Variants in MAGI1 observed in about 807,000 individuals in gnomAD.
MAGI1 encodes membrane associated guanylate kinase, WW and PDZ domain containing 1, also known as membrane-associated guanylate kinase, WW and PDZ domain-containing protein 1.
Under a neutral mutation model 139.9 loss-of-function variants are expected in MAGI1, and 58 were observed. The observed-to-expected ratio is 0.41, with a 90% confidence interval of 0.34 to 0.52. MAGI1 has a LOEUF of 0.52. Among genes scored for constraint, MAGI1 ranks in the 20% least tolerant of loss-of-function variants. MAGI1 has a pLI of 0.12. For synonymous variants in MAGI1, 812 were observed against 737.9 expected (o/e 1.10, Z -1.63); for missense variants, 1,874 against 1,901.6 (o/e 0.99, Z 0.27).
intron 1 of MAGI1, among the ~76,000 whole-genome samples, chr3:65,802,536 C>G (rs556994554): frequency 6.6e-6 from 1 of 152,284 alleles, no homozygotes; most frequent in South Asian, 2.1e-4. Flanking sequence ...TAAAAATGTG[C>G]CCAAATCCAC....
chr3:65,717,222 T>C (rs9872784), intron 1 of MAGI1, among the ~76,000 whole-genome samples: 51,678 of 151,710 alleles, frequency 0.34, 9,619 homozygotes, highest in Non-Finnish European at 0.42. Context: ...AGTCAAAGAG[T>C]TGTCTTCAAA....
intron 1 of MAGI1, among the ~76,000 whole-genome samples, chr3:65,806,711 G>A (rs1011898654): frequency 1.3e-5 from 2 of 152,116 alleles, no homozygotes; most frequent in African/African-American, 4.8e-5. Flanking sequence ...AATGAATTGT[G>A]CACACCAATC....
chr3:65,975,682 A>G (rs2065233348), intron 1 of MAGI1, among the ~76,000 whole-genome samples: 2 of 152,102 alleles, frequency 1.3e-5, no homozygotes, highest in South Asian at 4.1e-4. Context: ...ATAAAGAAAG[A>G]TGATTTTTGC....
chr3:65,479,156 C>A (rs1951084713), intron 3 of MAGI1, among the ~76,000 whole-genome samples: 1 of 152,128 alleles, frequency 6.6e-6, no homozygotes, highest in Non-Finnish European at 1.5e-5. Flanking sequence ...TTAGAGCAAG[C>A]CTCACAGAAG....
chr3:65,508,181 A>T (rs909241452), intron 2 of MAGI1, among the ~76,000 whole-genome samples: 5 of 151,932 alleles, frequency 3.3e-5, no homozygotes, highest in African/African-American at 1.2e-4. Flanking sequence ...AGGCGGGCAG[A>T]TCACAAGGTC....
intron 12 of MAGI1, among the ~76,000 whole-genome samples, chr3:65,417,191 C>G (rs1049725152): frequency 6.6e-6 from 1 of 152,110 alleles, no homozygotes; most frequent in African/African-American, 2.4e-5. Flanking sequence ...GGGGTAGTGA[C>G]AGCATCAGGA....
chr3:66,024,614 C>A (rs960818853), intron 1 of MAGI1, among the ~76,000 whole-genome samples: 1 of 152,106 alleles, frequency 6.6e-6, no homozygotes, highest in African/African-American at 2.4e-5. Flanking sequence ...CAAGACCAGC[C>A]TGGCCAACAT....
intron 2 of MAGI1, among the ~76,000 whole-genome samples, chr3:65,578,130 A>G (rs1330623017): frequency 6.6e-6 from 1 of 152,174 alleles, no homozygotes; most frequent in East Asian, 1.9e-4. Flanking sequence ...GATTTCCTCC[A>G]GCCGCCAAGA....
At chr3:65,875,719 T>A (rs2566349) in intron 1 of MAGI1, among the ~76,000 whole-genome samples, 69,938 of 152,082 alleles carry the variant, frequency 0.46, 20,242 homozygotes, top group African/African-American at 0.82. Flanking sequence ...TGCATTACAG[T>A]TTAGTGACCA....
intron 1 of MAGI1, among the ~76,000 whole-genome samples, chr3:65,737,850 C>T (rs2034908955): frequency 6.6e-6 from 1 of 152,060 alleles, no homozygotes; most frequent in Admixed American, 6.6e-5. Flanking sequence ...TTTCACTTAA[C>T]CAATTACCGA....
At chr3:65,954,213 G>C (rs1159868862) in intron 1 of MAGI1, among the ~76,000 whole-genome samples, 1 of 152,144 alleles carries the variant, frequency 6.6e-6, no homozygotes, top group Non-Finnish European at 1.5e-5. Flanking sequence ...AAGATTTTGG[G>C]TAATAACATT....
At position 65,371,538 on chromosome 3, in the gene MAGI1, T is replaced by C. The variant is rs935788058; in HGVS notation, c.3196+4207A>G. On this transcript the variant is annotated intron_variant, in intron 18 of 22. Coordinates refer to ENST00000402939, the MANE Select transcript of MAGI1 (RefSeq NM_001033057.2). Reference sequence around the variant, plus strand: ...TGATCAGGGTGGTGGTTGCTGAAGGTTGGGTGGCTGTGGCAACCTCTTAAA... The same window carrying C: ...TGATCAGGGTGGTGGTTGCTGAAGGCTGGGTGGCTGTGGCAACCTCTTAAA... Among the ~76,000 whole-genome samples, 5 of 152,296 alleles carry C rather than the reference T, an allele frequency of 3.3e-5. No homozygotes were observed. In the South Asian group the frequency reaches 6.2e-4, roughly 19 times the overall value.
intron 1 of MAGI1, among the ~76,000 whole-genome samples, chr3:66,024,667 G>A (rs1168803853): frequency 3.3e-5 from 5 of 152,180 alleles, no homozygotes; most frequent in Non-Finnish European, 4.4e-5. Context: ...TTAGCTGGGT[G>A]TGGTGGTGCA....
intron 1 of MAGI1, among the ~76,000 whole-genome samples, chr3:65,839,924 CTCAT>C (rs1489152798): frequency 1.3e-5 from 2 of 152,092 alleles, no homozygotes; most frequent in Non-Finnish European, 2.9e-5. Context: ...TCATTTAGGT[CTCAT>C]TTATTGTCTT....
intron 12 of MAGI1, among the ~76,000 whole-genome samples, chr3:65,417,666 T>A (rs9878560): frequency 2.6e-5 from 4 of 151,998 alleles, no homozygotes; most frequent in African/African-American, 9.7e-5. Context: ...CCTTTCTTGA[T>A]GTTTTTGTGT....
chr3:65,813,833 T>C (rs1363238900), intron 1 of MAGI1, among the ~76,000 whole-genome samples: 1 of 152,164 alleles, frequency 6.6e-6, no homozygotes, highest in Non-Finnish European at 1.5e-5. Flanking sequence ...ATAACACACA[T>C]AATTAAGTCC....
chr3:66,035,648 T>C (rs1033642386), intron 1 of MAGI1, among the ~76,000 whole-genome samples: 8 of 152,012 alleles, frequency 5.3e-5, no homozygotes, highest in African/African-American at 1.4e-4. Context: ...TCCCAATCAG[T>C]ATCATATTTC....
At chr3:65,542,992 A>C (rs1301821322) in intron 2 of MAGI1, among the ~76,000 whole-genome samples, 2 of 152,198 alleles carry the variant, frequency 1.3e-5, no homozygotes, top group East Asian at 3.8e-4. Flanking sequence ...ACATGTTTGC[A>C]ATCTATCCAT....
chr3:65,477,934 C>G (rs868307706), intron 4 of MAGI1, among the ~76,000 whole-genome samples: 2 of 151,430 alleles, frequency 1.3e-5, no homozygotes, highest in South Asian at 2.1e-4. Context: ...CATACCTAAG[C>G]TCGGAGGTAG....
Sources: gnomAD v4.1 joint callset for allele counts (sites outside exome capture counted in the v4.1 genomes callset) on GRCh38, gnomAD v4.1.1 for gene constraint, MANE v1.5 for transcripts, NCBI Gene and HGNC (gene_info 2026-07-23, HGNC 2026-07-21) for gene names.